COG5: variants seen among roughly 807,000 people sequenced by gnomAD.
COG5 encodes conserved oligomeric Golgi complex subunit 5.
Under a neutral mutation model 110.4 loss-of-function variants are expected in COG5, and 86 were observed. The observed-to-expected ratio is 0.78, with a 90% confidence interval of 0.65 to 0.93. The LOEUF (loss-of-function observed/expected upper bound fraction) is 0.93, where lower values mean the gene tolerates loss of function less well. COG5 is among the 40% of genes least tolerant of loss of function. The probability of loss-of-function intolerance (pLI) is 0.00; values close to 1 mark genes in which losing one functional copy is unlikely to be tolerated. For synonymous variants in COG5, 360 were observed against 334.6 expected, an observed-to-expected ratio of 1.08 and a Z score of -0.83; for missense variants, 1,077 against 987.0, an observed-to-expected ratio of 1.09 and a Z score of -1.22.
chr7:107,207,153 TA>T, intron 21 of COG5, among the ~76,000 whole-genome samples: 1 of 152,242 alleles, frequency 6.6e-6, no homozygotes, highest in South Asian at 2.1e-4. Flanking sequence ...ATAAATGACT[TA>T]AAGATACACT....
intron 6 of COG5, among the ~76,000 whole-genome samples, chr7:107,431,851 T>C (rs1230226195): frequency 6.6e-6 from 1 of 152,140 alleles, no homozygotes; most frequent in Non-Finnish European, 1.5e-5. Flanking sequence ...AGACAATGTC[T>C]CACTTTGTTG....
chr7:107,254,276 T>G (rs1028518276), intron 16 of COG5, among the ~76,000 whole-genome samples: 3 of 152,146 alleles, frequency 2.0e-5, no homozygotes, highest in African/African-American at 4.8e-5. Flanking sequence ...GATTTCTGGG[T>G]TGGGCTGCAG....
At chr7:107,272,129 A>C (rs548333559) in intron 14 of COG5, among the ~76,000 whole-genome samples, 1 of 152,116 alleles carries the variant, frequency 6.6e-6, no homozygotes, top group South Asian at 2.1e-4. Context: ...AAGGAAAATA[A>C]ATGTTGGGGC....
intron 6 of COG5, among the ~76,000 whole-genome samples, chr7:107,413,528 A>G (rs1025296855): frequency 6.8e-6 from 1 of 146,096 alleles, no homozygotes; most frequent in Non-Finnish European, 1.5e-5. Context: ...CAACAGAGGG[A>G]AAAAAACACA....
At chr7:107,328,525 A>G (rs1391635557) in intron 10 of COG5, among the ~76,000 whole-genome samples, 4 of 152,264 alleles carry the variant, frequency 2.6e-5, no homozygotes, top group Admixed American at 6.5e-5. Context: ...AGTCACAAAA[A>G]GATAAATGCT....
intron 10 of COG5, among the ~76,000 whole-genome samples, chr7:107,354,958 CT>C: frequency 6.6e-6 from 1 of 152,296 alleles, no homozygotes; most frequent in Non-Finnish European, 1.5e-5. Flanking sequence ...AAAAGAAGCC[CT>C]TTAAGATTTG....
intron 19 of COG5, among the ~76,000 whole-genome samples, chr7:107,214,861 T>C (rs978801729): frequency 6.7e-6 from 1 of 148,620 alleles, no homozygotes; most frequent in African/African-American, 2.5e-5. Flanking sequence ...GTGGTGGTTG[T>C]AGTGAGCCAA....
intron 11 of COG5, among the ~76,000 whole-genome samples, chr7:107,303,831 G>A (rs549697301): frequency 2.0e-5 from 3 of 152,206 alleles, no homozygotes; most frequent in Non-Finnish European, 4.4e-5. Context: ...AAAATTTATA[G>A]TACACCTACT....
At chr7:107,249,647 T>C in intron 16 of COG5, among the ~76,000 whole-genome samples, 1 of 151,848 alleles carries the variant, frequency 6.6e-6, no homozygotes, top group African/African-American at 2.4e-5. Flanking sequence ...TCCTAATCTA[T>C]AACCCTTAAT....
At chr7:107,461,140 A>T (rs1371009013) in intron 6 of COG5, among the ~76,000 whole-genome samples, 1 of 152,154 alleles carries the variant, frequency 6.6e-6, no homozygotes, top group Non-Finnish European at 1.5e-5. Context: ...ATATTAAAAT[A>T]AAAGAAAATG....
intron 3 of COG5, among the ~76,000 whole-genome samples, chr7:107,554,009 T>C (rs925082242): frequency 6.6e-6 from 1 of 152,146 alleles, no homozygotes; most frequent in African/African-American, 2.4e-5. Context: ...TTGCTCAAAG[T>C]CAAACACCTA....
chr7:107,345,783 TTAGGTTGGAGTGAAAC>T (rs747143714), intron 10 of COG5, among the ~76,000 whole-genome samples: 7 of 152,208 alleles, frequency 4.6e-5, no homozygotes, highest in Non-Finnish European at 7.4e-5. Flanking sequence ...ATCACATGAA[TTAGGTTGGAGTGAAAC>T]TATTTATATG....
chr7:107,253,563 TG>T (rs939450265), intron 16 of COG5, among the ~76,000 whole-genome samples: 4 of 152,100 alleles, frequency 2.6e-5, no homozygotes, highest in African/African-American at 9.7e-5. Context: ...GGGGTTTAAA[TG>T]GTACTTATAT....
chr7:107,370,612 C>A (rs892819942), intron 8 of COG5, among the ~76,000 whole-genome samples: 1 of 151,566 alleles, frequency 6.6e-6, no homozygotes, highest in Non-Finnish European at 1.5e-5. Context: ...ATGATGAAAC[C>A]CCGTCTCTAC....
In COG5 at chr7:107,474,903, C is replaced by T. The variant is rs940474978; in HGVS notation, c.538+52334G>A. 3 of 1,613,110 alleles carry T rather than the reference C, an allele frequency of 1.9e-6. No homozygotes were observed. The highest frequency in any genetic ancestry group is 2.5e-6 in the Non-Finnish European group (3 of 1,179,456). On this transcript the variant is annotated intron_variant, in intron 6 of 21. Coordinates refer to ENST00000297135, the MANE Select transcript of COG5 (RefSeq NM_006348.5). The surrounding 1 kb of genome is among the most constrained non-coding windows in gnomAD (Gnocchi z 5.7). ...AAAGCAGTGGTGGGAGAAATGTAGT[C>T]TTTGGTGTAAGAACTTCAGTTTCTG...
chr7:107,321,238 A>G lies in COG5; in HGVS notation c.1108+3202T>C, dbSNP rs531427319. Reference sequence around the variant, plus strand: ...ATAGAATAGCATCAAAATATATAAAACAGTGATAAATTTAAGAAAAGATTT... The same window carrying G: ...ATAGAATAGCATCAAAATATATAAAGCAGTGATAAATTTAAGAAAAGATTT... On this transcript the variant is annotated intron_variant, in intron 11 of 21. Transcript: ENST00000297135. Among the ~76,000 whole-genome samples, 127 of 152,320 alleles carry G rather than the reference A, an allele frequency of 8.3e-4. 4 individuals carry two copies. In the South Asian group the frequency reaches 0.023, roughly 28 times the overall value.
intron 5 of COG5, among the ~76,000 whole-genome samples, chr7:107,543,022 A>C (rs555988016): frequency 4.6e-5 from 7 of 152,170 alleles, no homozygotes; most frequent in African/African-American, 1.7e-4. Context: ...AAAAAGGATA[A>C]TACTTTCCAA....
intron 6 of COG5, among the ~76,000 whole-genome samples, chr7:107,478,301 T>C (rs1012759963): frequency 6.6e-6 from 1 of 151,984 alleles, no homozygotes; most frequent in South Asian, 2.1e-4. Context: ...TAATTATATG[T>C]CTTTTAAAAG....
chr7:107,275,839 TA>T (rs528625609), intron 14 of COG5, among the ~76,000 whole-genome samples: 44 of 146,050 alleles, frequency 3.0e-4, no homozygotes, highest in Non-Finnish European at 5.0e-4. Context: ...TTTTAGAACT[TA>T]AAAAAAAAAA....
Sources: allele counts gnomAD v4.1 joint callset (sites outside exome capture counted in the v4.1 genomes callset), GRCh38; gene constraint gnomAD v4.1.1; non-coding constraint Gnocchi (gnomAD v3.1); transcripts MANE v1.5; gene names NCBI Gene and HGNC (gene_info 2026-07-23, HGNC 2026-07-21).